Variants in ARNT2 observed in about 807,000 individuals in gnomAD.
ARNT2 encodes the protein ARNT protein 2.
A neutral mutation model predicts 91.7 loss-of-function variants in ARNT2; 36 were observed. The observed-to-expected ratio is 0.39, with a 90% confidence interval of 0.30 to 0.52. The LOEUF (loss-of-function observed/expected upper bound fraction) is 0.52, where lower values mean the gene tolerates loss of function less well. ARNT2 is among the 20% of genes least tolerant of loss of function. The pLI is 0.72. For missense variants in ARNT2, 775 were observed against 939.3 expected (o/e 0.83, Z 2.29); for synonymous variants, 365 against 347.1 (o/e 1.05, Z -0.57).
intron 12 of ARNT2, among the ~76,000 whole-genome samples, chr15:80,565,109 G>C (rs1422857415): frequency 6.6e-6 from 1 of 152,056 alleles, no homozygotes; most frequent in East Asian, 1.9e-4. Context: ...ATTTTTAGCA[G>C]AGATGGGGTT....
intron 1 of ARNT2, among the ~76,000 whole-genome samples, chr15:80,419,628 A>G (rs1373028182): frequency 1.3e-5 from 2 of 152,192 alleles, no homozygotes; most frequent in South Asian, 2.1e-4. Context: ...CAGTCCTGGC[A>G]TTGACATGGC....
At chr15:80,430,215 G>T (rs760811993) in intron 1 of ARNT2, among the ~76,000 whole-genome samples, 9 of 152,074 alleles carry the variant, frequency 5.9e-5, no homozygotes, top group Admixed American at 1.3e-4. Context: ...CTCTGTGCTG[G>T]ATGCAACAGG....
At chr15:80,441,378 G>A in intron 1 of ARNT2, 3 of 985,266 alleles carry the variant, frequency 3.0e-6, no homozygotes, top group Non-Finnish European at 3.6e-6. Flanking sequence ...CCTCTGAAAA[G>A]GTAGGGCTGT....
Position 80,470,344 on chromosome 15 carries a change from C to T in ARNT2, c.321C>T (p.Arg107=), listed in dbSNP as rs1377750213. The part of the protein sequence containing the change: ...ARKPDKLTIL[R]MAVSHMKSMR... ...AGCCAGACAAGCTCACCATCCTCCG[C>T]ATGGCCGTCTCGCACATGAAGTCCA... is the stretch of plus-strand genomic sequence containing the variant. Residue 107 remains arginine, a synonymous_variant, in exon 4 of 19, where the codon CGC becomes CGT. Coordinates refer to ENST00000303329, the MANE Select transcript of ARNT2 (RefSeq NM_014862.4). 1.2e-6 allele frequency: 2 copies of T among 1,614,196 alleles called. No individual in the cohort carries two copies. The highest frequency in any genetic ancestry group is 2.2e-5 in the South Asian group (2 of 91,076).
chr15:80,525,769 A>G (rs1018715178), intron 8 of ARNT2, among the ~76,000 whole-genome samples: 1 of 152,214 alleles, frequency 6.6e-6, no homozygotes, highest in Non-Finnish European at 1.5e-5. Context: ...TTACAAGGTC[A>G]TAGAATTAGA....
intron 17 of ARNT2, among the ~76,000 whole-genome samples, chr15:80,584,164 G>A (rs1183431222): frequency 1.3e-5 from 2 of 152,306 alleles, no homozygotes; most frequent in African/African-American, 2.4e-5. Context: ...GGGAGACCTC[G>A]AGGCGAGGGG....
At chr15:80,500,063 C>A (rs1164019713) in intron 5 of ARNT2, among the ~76,000 whole-genome samples, 1 of 152,164 alleles carries the variant, frequency 6.6e-6, no homozygotes, top group Non-Finnish European at 1.5e-5. Flanking sequence ...AAAATGCACC[C>A]ACCTTTAGTA....
intron 8 of ARNT2, among the ~76,000 whole-genome samples, chr15:80,519,463 C>A (rs1386757441): frequency 6.6e-6 from 1 of 152,138 alleles, no homozygotes; most frequent in Non-Finnish European, 1.5e-5. Flanking sequence ...GGCTCAGTGA[C>A]AAGCCAGATA....
At chr15:80,541,898 C>T (rs1897913050) in intron 8 of ARNT2, among the ~76,000 whole-genome samples, 1 of 152,178 alleles carries the variant, frequency 6.6e-6, no homozygotes, top group East Asian at 1.9e-4. Flanking sequence ...TTCCTGCAGT[C>T]ATCCATCAAG....
intron 8 of ARNT2, among the ~76,000 whole-genome samples, chr15:80,544,603 C>A (rs1897962011): frequency 6.6e-6 from 1 of 152,158 alleles, no homozygotes; most frequent in South Asian, 2.1e-4. Flanking sequence ...GAACTGTCAG[C>A]ATAACTCACA....
At chr15:80,551,608 C>T (rs1004638528) in intron 9 of ARNT2, among the ~76,000 whole-genome samples, 1 of 152,206 alleles carries the variant, frequency 6.6e-6, no homozygotes, top group African/African-American at 2.4e-5. Context: ...CCAAGCTCAT[C>T]ATTACAACTT....
intron 1 of ARNT2, among the ~76,000 whole-genome samples, chr15:80,410,976 A>G (rs1895673874): frequency 6.6e-6 from 1 of 152,072 alleles, no homozygotes; most frequent in Admixed American, 6.5e-5. Flanking sequence ...CTCCTTTCCA[A>G]TTGAGGGCTC....
At chr15:80,505,461 T>C (rs920433482) in intron 5 of ARNT2, among the ~76,000 whole-genome samples, 2 of 152,216 alleles carry the variant, frequency 1.3e-5, no homozygotes, top group African/African-American at 4.8e-5. Context: ...ACTGATCAGA[T>C]GTTGGAGTTT....
In ARNT2 at chr15:80,478,704, G is replaced by C. The variant is rs186572670; in HGVS notation, c.622+3481G>C. Among the ~76,000 whole-genome samples, 8 of 152,326 alleles carry C rather than the reference G, an allele frequency of 5.3e-5. No homozygotes were observed. In the South Asian group the frequency reaches 1.2e-3, roughly 24 times the overall value. On this transcript the variant is annotated intron_variant, in intron 5 of 18. Transcript: ENST00000303329. ...TGCAACAAGCTCTTATTGATTCCGTGGGGGAGAGCTTGGAAGAGCTCTCTG... is the reference window on the plus strand; with the variant it reads ...TGCAACAAGCTCTTATTGATTCCGTCGGGGAGAGCTTGGAAGAGCTCTCTG...
chr15:80,525,458 A>G (rs1029434214), intron 8 of ARNT2, among the ~76,000 whole-genome samples: 1 of 151,932 alleles, frequency 6.6e-6, no homozygotes, highest in African/African-American at 2.4e-5. Context: ...TCATCATCTC[A>G]TTCTAGTGCG....
At chr15:80,442,885 G>A (rs758771440) in intron 1 of ARNT2, 182 of 985,358 alleles carry the variant, frequency 1.8e-4, no homozygotes, top group South Asian at 6.1e-4. Flanking sequence ...CCCTTTTTGG[G>A]ATCTGACGCC....
chr15:80,456,446 C>T (rs532003889), intron 2 of ARNT2, among the ~76,000 whole-genome samples: 1 of 152,216 alleles, frequency 6.6e-6, no homozygotes, highest in South Asian at 2.1e-4. Flanking sequence ...GCAGGGGATC[C>T]CGTCAGGTCA....
At chr15:80,542,179 T>C (rs7169055) in intron 8 of ARNT2, among the ~76,000 whole-genome samples, 62,776 of 152,136 alleles carry the variant, frequency 0.41, 13,978 homozygotes, top group African/African-American at 0.57. Context: ...ACTAAACATT[T>C]TTTGCCCATA....
chr15:80,405,297 G>T (rs942381325), intron 1 of ARNT2, among the ~76,000 whole-genome samples: 1 of 152,206 alleles, frequency 6.6e-6, no homozygotes, highest in African/African-American at 2.4e-5. Context: ...CACTGGGAAA[G>T]TTCCCTACCT....
Sources: gnomAD v4.1 joint callset for allele counts (sites outside exome capture counted in the v4.1 genomes callset) on GRCh38, gnomAD v4.1.1 for gene constraint, MANE v1.5 for transcripts, NCBI Gene and HGNC (gene_info 2026-07-23, HGNC 2026-07-21) for gene names.